Variants in DOCK4 observed in about 807,000 individuals in gnomAD.
DOCK4 encodes dedicator of cytokinesis protein 4.
A neutral mutation model predicts 268.1 loss-of-function variants in DOCK4; 97 were observed. That is an observed-to-expected ratio of 0.36 (90% confidence interval 0.31 to 0.43). The LOEUF (loss-of-function observed/expected upper bound fraction) is 0.43. DOCK4 is among the 20% of genes least tolerant of loss of function. DOCK4 has a pLI of 1.00. For synonymous variants in DOCK4, 954 were observed against 887.2 expected (o/e 1.08, Z -1.34); for missense variants, 2,145 against 2,455.7 (o/e 0.87, Z 2.67).
At chr7:112,095,435 T>C (rs1340396715) in intron 1 of DOCK4, among the ~76,000 whole-genome samples, 1 of 137,372 alleles carries the variant, frequency 7.3e-6, no homozygotes, top group African/African-American at 2.4e-5. Flanking sequence ...AATTTTAATC[T>C]ATTAAGAGAA....
intron 30 of DOCK4, among the ~76,000 whole-genome samples, chr7:111,799,338 CATGTAACCTATTACTTCCAACA>C (rs1198517068): frequency 6.6e-6 from 1 of 152,222 alleles, no homozygotes; most frequent in Non-Finnish European, 1.5e-5. Flanking sequence ...ATTGGTTAAG[CATGTAACCTATTACTTCCAACA>C]AAAATTGACA....
chr7:111,951,525 G>C (rs909246690), intron 8 of DOCK4, among the ~76,000 whole-genome samples: 1 of 151,938 alleles, frequency 6.6e-6, no homozygotes, highest in African/African-American at 2.4e-5. Context: ...CACCAAAGAA[G>C]GCATGGTATG....
At chr7:112,193,759 A>G (rs142972610) in intron 1 of DOCK4, among the ~76,000 whole-genome samples, 338 of 151,926 alleles carry the variant, frequency 2.2e-3, no homozygotes, top group African/African-American at 7.5e-3. Context: ...TCTTCCTACA[A>G]TCCCTAAAAT....
intron 1 of DOCK4, among the ~76,000 whole-genome samples, chr7:112,203,654 C>T (rs1191237891): frequency 6.6e-6 from 1 of 152,142 alleles, no homozygotes; most frequent in African/African-American, 2.4e-5. Flanking sequence ...TAACAAAGAT[C>T]TGTGCCCATA....
At chr7:112,105,320 C>T (rs1811041499) in intron 1 of DOCK4, among the ~76,000 whole-genome samples, 1 of 152,014 alleles carries the variant, frequency 6.6e-6, no homozygotes, top group African/African-American at 2.4e-5. Context: ...ATGTGAAAAT[C>T]CAAAATCCTT....
intron 16 of DOCK4, among the ~76,000 whole-genome samples, chr7:111,895,166 T>G (rs1430336383): frequency 6.6e-6 from 1 of 152,216 alleles, no homozygotes; most frequent in African/African-American, 2.4e-5. Context: ...TTATAAGAAC[T>G]GCTAAAGTTG....
chr7:111,857,769 C>T (rs1460650587), intron 23 of DOCK4, among the ~76,000 whole-genome samples: 4 of 152,156 alleles, frequency 2.6e-5, no homozygotes, highest in Admixed American at 1.3e-4. Context: ...CTCTGCTACC[C>T]GCTACACTTC....
chr7:111,849,262 CTTTTT>C (rs200312873), intron 23 of DOCK4, among the ~76,000 whole-genome samples: 1 of 133,364 alleles, frequency 7.5e-6, no homozygotes. Flanking sequence ...TTCCTAGTTA[CTTTTT>C]TTTTTTTTTT....
intron 32 of DOCK4, among the ~76,000 whole-genome samples, chr7:111,785,015 T>C (rs1343921873): frequency 6.6e-6 from 1 of 152,240 alleles, no homozygotes; most frequent in Non-Finnish European, 1.5e-5. Flanking sequence ...CTCTTGTCTG[T>C]GGCTATGTTC....
chr7:112,192,107 T>C (rs1406191074), intron 1 of DOCK4, among the ~76,000 whole-genome samples: 1 of 150,918 alleles, frequency 6.6e-6, no homozygotes, highest in African/African-American at 2.4e-5. Context: ...TATAATTATA[T>C]ACTATAGTTT....
chr7:111,933,120 ATATATATACG>A (rs1382934101), intron 12 of DOCK4, among the ~76,000 whole-genome samples: 1 of 105,340 alleles, frequency 9.5e-6, no homozygotes, highest in African/African-American at 3.8e-5. Context: ...GTATATACAC[ATATATATACG>A]TATATACACA....
At chr7:111,987,518 G>T (rs542597312) in intron 6 of DOCK4, among the ~76,000 whole-genome samples, 1 of 152,242 alleles carries the variant, frequency 6.6e-6, no homozygotes, top group African/African-American at 2.4e-5. Context: ...GGCAGCATAG[G>T]TTTCGCTCCA....
At chr7:111,755,226 A>G (rs924084622) in intron 42 of DOCK4, among the ~76,000 whole-genome samples, 2 of 152,206 alleles carry the variant, frequency 1.3e-5, no homozygotes, top group African/African-American at 4.8e-5. Flanking sequence ...CAGCTATAGT[A>G]ATTAGGAGAG....
chr7:111,765,358 T>A (rs1296029801), intron 38 of DOCK4, 136 bp from the exon 39 acceptor site: 4 of 641,054 alleles, frequency 6.2e-6, no homozygotes, highest in Non-Finnish European at 1.1e-5. Context: ...TTTGACTTTC[T>A]TTTTGATGCT....
chr7:111,798,217 C>G (rs889741152), intron 30 of DOCK4, among the ~76,000 whole-genome samples: 1 of 152,234 alleles, frequency 6.6e-6, no homozygotes, highest in Admixed American at 6.5e-5. Flanking sequence ...GAACTGCCCC[C>G]AGAGGTGGAG....
chr7:111,923,473 T>G (rs932163218), intron 12 of DOCK4, among the ~76,000 whole-genome samples: 1 of 152,218 alleles, frequency 6.6e-6, no homozygotes. Context: ...TGGTTTCTGG[T>G]TTTGTCTTTG....
At chr7:111,915,306 G>A (rs182072598) in intron 13 of DOCK4, among the ~76,000 whole-genome samples, 1 of 152,270 alleles carries the variant, frequency 6.6e-6, no homozygotes, top group Admixed American at 6.5e-5. Flanking sequence ...TCTAGAAAAG[G>A]TATAGAAGTA....
At chr7:111,996,409 A>G (rs17159114) in intron 4 of DOCK4, among the ~76,000 whole-genome samples, 2,421 of 152,344 alleles carry the variant, frequency 0.016, 62 homozygotes, top group African/African-American at 0.055. Context: ...ATTTTGTTCA[A>G]TTATTCTAGG....
At chr7:112,051,942 G>A (rs764567381) in intron 1 of DOCK4, among the ~76,000 whole-genome samples, 1 of 152,020 alleles carries the variant, frequency 6.6e-6, no homozygotes, top group African/African-American at 2.4e-5. Flanking sequence ...TTTATATACA[G>A]TCATCCCTCG....
Sources: gnomAD v4.1 joint callset for allele counts (sites outside exome capture counted in the v4.1 genomes callset) on GRCh38, gnomAD v4.1.1 for gene constraint, MANE v1.5 for transcripts, NCBI Gene and HGNC (gene_info 2026-07-23, HGNC 2026-07-21) for gene names.